The following DCC variants were observed in gnomAD, a reference collection of about 807,000 sequenced individuals.
DCC encodes the protein DCC netrin 1 receptor, also known as netrin receptor DCC.
In DCC, 58 loss-of-function variants were observed where a neutral mutation model predicts 172.5. The ratio of observed to expected loss-of-function variants is 0.34; its 90% CI spans 0.27 to 0.42. The LOEUF is 0.42. Among genes scored for constraint, DCC ranks in the 10% least tolerant of loss-of-function variants. DCC has a pLI of 1.00. For synonymous variants in DCC, 709 were observed against 644.5 expected, an observed-to-expected ratio of 1.10 and a Z score of -1.52; for missense variants, 1,740 against 1,791.0, an observed-to-expected ratio of 0.97 and a Z score of 0.51.
At chr18:52,986,986 G>T (rs754136962) in intron 5 of DCC, among the ~76,000 whole-genome samples, 1 of 151,874 alleles carries the variant, frequency 6.6e-6, no homozygotes, top group Non-Finnish European at 1.5e-5. Context: ...CTAACACCTG[G>T]CTATTTTTTG....
chr18:52,588,411 T>A (rs888508287), intron 1 of DCC, among the ~76,000 whole-genome samples: 2 of 152,216 alleles, frequency 1.3e-5, no homozygotes, highest in Admixed American at 1.3e-4. Flanking sequence ...ATAAATGGAC[T>A]GGAGTAACAC....
At chr18:52,953,256 A>T (rs1411087749) in intron 5 of DCC, among the ~76,000 whole-genome samples, 1 of 152,180 alleles carries the variant, frequency 6.6e-6, no homozygotes, top group Non-Finnish European at 1.5e-5. Context: ...CAGTGCTTAG[A>T]TAACAAGTCT....
chr18:52,636,361 T>C (rs1352457263), intron 1 of DCC, among the ~76,000 whole-genome samples: 5 of 135,718 alleles, frequency 3.7e-5, no homozygotes, highest in Non-Finnish European at 7.8e-5. Context: ...AGGGCACGAA[T>C]TGGGGATACA....
intron 21 of DCC, among the ~76,000 whole-genome samples, chr18:53,429,602 G>A (rs868192934): frequency 2.6e-5 from 4 of 152,054 alleles, no homozygotes; most frequent in African/African-American, 9.7e-5. Flanking sequence ...TTATGATTAA[G>A]AGAAATATGG....
chr18:52,930,975 T>C (rs2145502114), intron 5 of DCC, among the ~76,000 whole-genome samples: 1 of 152,006 alleles, frequency 6.6e-6, no homozygotes, highest in South Asian at 2.1e-4. Flanking sequence ...AAAATAGTGA[T>C]ATGTTTATAT....
At chr18:52,932,733 G>T (rs2040325235) in intron 5 of DCC, among the ~76,000 whole-genome samples, 1 of 151,824 alleles carries the variant, frequency 6.6e-6, no homozygotes, top group African/African-American at 2.4e-5. Flanking sequence ...GATAGACTCA[G>T]AATATTTATA....
rs566942749 is a variant in DCC, at chr18:53,211,450, A to G, written c.1861+3633A>G. Among the ~76,000 whole-genome samples the G allele has an allele frequency of 4.5e-4, 68 of 152,296 alleles. No homozygotes were observed. The South Asian group carries it at 0.014, about 32-fold the overall frequency. ...ATTAAATATGAATTACTGGCCAGGC[A>G]TGGTGGCTCACTCTTGTAATCCCAG... On this transcript the variant is annotated intron_variant, in intron 11 of 28. Coordinates refer to ENST00000442544, the MANE Select transcript of DCC (RefSeq NM_005215.4).
chr18:53,213,404 C>T (rs1050104193), intron 11 of DCC, among the ~76,000 whole-genome samples: 1 of 151,918 alleles, frequency 6.6e-6, no homozygotes, highest in South Asian at 2.1e-4. Flanking sequence ...AATCCCAGCA[C>T]TTTGGGAGGC....
chr18:53,148,130 T>C (rs2043943082), intron 7 of DCC, among the ~76,000 whole-genome samples: 1 of 152,228 alleles, frequency 6.6e-6, no homozygotes, highest in African/African-American at 2.4e-5. Context: ...TATTTTACTT[T>C]AGTAGTGTCT....
chr18:52,340,907 G>C (rs1228403020), intron 1 of DCC, 29 bp downstream of exon 1: 1 of 1,518,998 alleles, frequency 6.6e-7, no homozygotes, highest in Non-Finnish European at 9.1e-7. Flanking sequence ...TCTTCTCGTC[G>C]CACCCCCTTC....
intron 12 of DCC, among the ~76,000 whole-genome samples, chr18:53,278,836 G>A (rs1443506543): frequency 1.3e-5 from 2 of 152,156 alleles, no homozygotes; most frequent in Admixed American, 6.6e-5. Flanking sequence ...GCAAGAGAAG[G>A]TGAGGCACAG....
intron 3 of DCC, among the ~76,000 whole-genome samples, chr18:52,916,206 T>G (rs1166145331): frequency 5.5e-5 from 3 of 54,702 alleles, no homozygotes; most frequent in Admixed American, 3.1e-4. Context: ...CTGAATTAGC[T>G]ACCTTTTTTT....
At chr18:53,229,625 G>A (rs1002592149) in intron 12 of DCC, among the ~76,000 whole-genome samples, 3 of 152,128 alleles carry the variant, frequency 2.0e-5, no homozygotes, top group Admixed American at 6.6e-5. Flanking sequence ...CTCAGCAAAT[G>A]CTACAAATTA....
In DCC at chr18:52,919,244, G is replaced by A. The variant is rs557767993; in HGVS notation, c.698-4463G>A. Among the ~76,000 whole-genome samples the A allele has an allele frequency of 4.6e-5, 7 of 152,296 alleles. No individual in the cohort carries two copies. The East Asian group carries it at 7.7e-4, about 17-fold the overall frequency. ...GCGTGACTTTCACCATAATCTACCA[G>A]TCAAAGCAAGATACAAGGCCAGGCC... is the stretch of plus-strand genomic sequence containing the variant. On this transcript the variant is annotated intron_variant, in intron 3 of 28. Transcript: ENST00000442544.
At chr18:53,360,165 G>A (rs1429385948) in intron 15 of DCC, among the ~76,000 whole-genome samples, 1 of 152,018 alleles carries the variant, frequency 6.6e-6, no homozygotes, top group African/African-American at 2.4e-5. Context: ...GGTATTGTGT[G>A]TTTGTGTGTT....
At chr18:52,672,466 T>C (rs1443815066) in intron 1 of DCC, among the ~76,000 whole-genome samples, 1 of 152,128 alleles carries the variant, frequency 6.6e-6, no homozygotes, top group Admixed American at 6.6e-5. Context: ...TTGAACAAGA[T>C]GATATAAGCA....
chr18:52,475,747 G>A (rs1201720562), intron 1 of DCC, among the ~76,000 whole-genome samples: 4 of 152,148 alleles, frequency 2.6e-5, no homozygotes, highest in African/African-American at 9.7e-5. Flanking sequence ...CAGGCATGAA[G>A]AACAAGGGAT....
rs375423269 is a variant in DCC, at chr18:53,023,336, T to TAA, written c.986-39960_986-39959dup. Among the ~76,000 whole-genome samples, 174 of 65,016 alleles carry TAA rather than the reference T, an allele frequency of 2.7e-3. 4 individuals are homozygous for TAA. The South Asian group carries it at 0.027, about 10-fold the overall frequency. 42.7% of individuals were successfully genotyped at this position (65,016 alleles called of 152,430 possible). On this transcript the variant is annotated intron_variant, in intron 5 of 28. Coordinates refer to ENST00000442544, the MANE Select transcript of DCC (RefSeq NM_005215.4). ...TAAGACCCTAAAACTTAGAGTATAA[T>TAA]AAAAAAAAAACATAAAAAAAATAAA...
At chr18:53,015,563 T>C (rs1479613139) in intron 5 of DCC, among the ~76,000 whole-genome samples, 1 of 152,180 alleles carries the variant, frequency 6.6e-6, no homozygotes, top group Admixed American at 6.5e-5. Context: ...TTGAAATATT[T>C]ATGTTCTACC....
Sources: allele counts gnomAD v4.1 joint callset (sites outside exome capture counted in the v4.1 genomes callset), GRCh38; gene constraint gnomAD v4.1.1; transcripts MANE v1.5; gene names NCBI Gene and HGNC (gene_info 2026-07-23, HGNC 2026-07-21).